The following SERPINE3 variants were observed in gnomAD, a reference collection of about 807,000 sequenced individuals.
The protein encoded by SERPINE3 is serpin E3.
A neutral mutation model predicts 41.7 loss-of-function variants in SERPINE3; 43 were observed. That is an observed-to-expected ratio of 1.03 (90% CI 0.81 to 1.33). The LOEUF is 1.33. Among genes scored for constraint, SERPINE3 ranks in the 40% most tolerant of loss-of-function variants. The probability of loss-of-function intolerance (pLI) is 0.00; values close to 1 mark genes in which losing one functional copy is unlikely to be tolerated. For missense variants in SERPINE3, 440 were observed against 491.7 expected, an observed-to-expected ratio of 0.89 and a Z score of 0.99; for synonymous variants, 200 against 192.2, an observed-to-expected ratio of 1.04 and a Z score of -0.34.
At chr13:51,354,513 C>A (rs138212282) in intron 6 of SERPINE3, among the ~76,000 whole-genome samples, 1 of 151,210 alleles carries the variant, frequency 6.6e-6, no homozygotes, top group African/African-American at 2.4e-5. Flanking sequence ...CCCAGCTACT[C>A]GGGAAGCTAA....
At chr13:51,353,621 G>A (rs181338543) in intron 6 of SERPINE3, among the ~76,000 whole-genome samples, 99 of 152,232 alleles carry the variant, frequency 6.5e-4, no homozygotes, top group Non-Finnish European at 5.3e-4. Flanking sequence ...AGAAAATTTC[G>A]TAAGAGATAG....
intron 6 of SERPINE3, among the ~76,000 whole-genome samples, chr13:51,354,602 A>T (rs1955452176): frequency 6.6e-6 from 1 of 152,066 alleles, no homozygotes; most frequent in Non-Finnish European, 1.5e-5. Flanking sequence ...AAAAAAAAAA[A>T]AAAGTGTTTA....
intron 6 of SERPINE3, among the ~76,000 whole-genome samples, chr13:51,353,777 T>C (rs1025935085): frequency 6.6e-6 from 1 of 152,220 alleles, no homozygotes; most frequent in Non-Finnish European, 1.5e-5. Flanking sequence ...TGTATAGCAA[T>C]GAAGACCTTT....
rs758250464 is a variant in SERPINE3 at position 51,341,219 on chromosome 13, C to A, written c.128C>A (p.Ala43Glu). Residue 43 changes from alanine (A) to glutamate (E), a missense_variant, in exon 3 of 10, where the codon GCG becomes GAG. Coordinates refer to ENST00000681248, the MANE Select transcript of SERPINE3 (RefSeq NM_001386375.1). ...FALHLYQSVA[A>E]CRNETNFVIS... ...CTTCACCTCTACCAGAGTGTGGCCG[C>A]GTGTAGAAATGAGACGAACTTTGTC... The A allele has an allele frequency of 6.2e-7, 1 of 1,614,004 alleles. No homozygotes were observed. The highest frequency in any genetic ancestry group is 1.1e-5 in the South Asian group (1 of 91,080).
chr13:51,351,528 A>T (rs979023134), intron 6 of SERPINE3, among the ~76,000 whole-genome samples: 1 of 152,038 alleles, frequency 6.6e-6, no homozygotes, highest in African/African-American at 2.4e-5. Context: ...TTTATTCTGG[A>T]TACTAGTACC....
At position 51,360,878 on chromosome 13, in the gene SERPINE3, C is replaced by T. The variant is rs115704651; in HGVS notation, c.1001-400C>T. Among the ~76,000 whole-genome samples, 205 of 152,068 alleles carry T rather than the reference C, an allele frequency of 1.3e-3. 1 individual carries two copies. Among genetic ancestry groups the T allele is most frequent in the African/African-American group, 4.8e-3 (200 of 41,492 alleles). Reference sequence around the variant, plus strand: ...CTTGGTGAAAATGATTCCCGGGCTACAGAATCTGCATTTTAACACATACCC... The same window carrying T: ...CTTGGTGAAAATGATTCCCGGGCTATAGAATCTGCATTTTAACACATACCC... On this transcript the variant is annotated intron_variant, in intron 7 of 9. Transcript: ENST00000681248.
At chr13:51,343,214 A>G (rs1955311456) in intron 3 of SERPINE3, among the ~76,000 whole-genome samples, 1 of 152,214 alleles carries the variant, frequency 6.6e-6, no homozygotes, top group African/African-American at 2.4e-5. Flanking sequence ...GGAGGAAAAG[A>G]TACCCAGCAT....
At chr13:51,363,256 C>T (rs937998768) in intron 9 of SERPINE3, 5 of 151,896 alleles carry the variant, frequency 3.3e-5, no homozygotes, top group Admixed American at 3.3e-4. Context: ...AGAACTGCCT[C>T]AGTAATCAGA....
At chr13:51,352,976 A>G (rs1175169624) in intron 6 of SERPINE3, among the ~76,000 whole-genome samples, 1 of 152,136 alleles carries the variant, frequency 6.6e-6, no homozygotes, top group East Asian at 1.9e-4. Flanking sequence ...TGAGATTTAT[A>G]TGGTATTGGA....
chr13:51,347,299 G>T, intron 5 of SERPINE3, 65 bp downstream of exon 5: 1 of 1,386,438 alleles, frequency 7.2e-7, no homozygotes. Context: ...GCAGGAGAGA[G>T]GAGGCCAGGT....
chr13:51,351,826 G>C (rs917420973), intron 6 of SERPINE3, among the ~76,000 whole-genome samples: 1 of 151,972 alleles, frequency 6.6e-6, no homozygotes, highest in African/African-American at 2.4e-5. Flanking sequence ...TATAGTATGA[G>C]GTAGGGATTC....
chr13:51,351,554 T>C (rs1955402983), intron 6 of SERPINE3, among the ~76,000 whole-genome samples: 1 of 152,156 alleles, frequency 6.6e-6, no homozygotes, highest in African/African-American at 2.4e-5. Flanking sequence ...AGATATATGA[T>C]TTGTAAATAC....
chr13:51,346,851 A>C (rs761723465), intron 4 of SERPINE3, among the ~76,000 whole-genome samples, 174 bp from the exon 5 acceptor site: 21 of 152,254 alleles, frequency 1.4e-4, no homozygotes, highest in Non-Finnish European at 2.9e-4. Context: ...ACAGGGAATT[A>C]AATATTCTTA....
At chr13:51,348,002 G>A (rs931667689) in intron 5 of SERPINE3, among the ~76,000 whole-genome samples, 1 of 152,032 alleles carries the variant, frequency 6.6e-6, no homozygotes, top group African/African-American at 2.4e-5. Context: ...CTCTGGTCCT[G>A]TGAGGGTATC....
At chr13:51,347,329 G>A in intron 5 of SERPINE3, 95 bp downstream of exon 5, 1 of 1,087,754 alleles carries the variant, frequency 9.2e-7, no homozygotes, top group Admixed American at 2.0e-5. Flanking sequence ...TAAGGGATCG[G>A]GATGTGTTTC....
intron 5 of SERPINE3, among the ~76,000 whole-genome samples, chr13:51,347,788 C>T (rs1225039353): frequency 6.6e-6 from 1 of 152,202 alleles, no homozygotes; most frequent in African/African-American, 2.4e-5. Flanking sequence ...AGGCTGTCTA[C>T]AGTATGCCCG....
At chr13:51,347,642 A>C (rs1276542902) in intron 5 of SERPINE3, among the ~76,000 whole-genome samples, 1 of 152,152 alleles carries the variant, frequency 6.6e-6, no homozygotes, top group Non-Finnish European at 1.5e-5. Context: ...TCCGCATCAG[A>C]AAATATTAAA....
chr13:51,355,379 G>C (rs74084806), intron 7 of SERPINE3, among the ~76,000 whole-genome samples: 3,184 of 152,128 alleles, frequency 0.021, 130 homozygotes, highest in African/African-American at 0.073. Flanking sequence ...TTCACCATGG[G>C]GTCAATGTCC....
At chr13:51,343,797 A>G (rs540595066) in intron 3 of SERPINE3, among the ~76,000 whole-genome samples, 1 of 152,328 alleles carries the variant, frequency 6.6e-6, no homozygotes, top group African/African-American at 2.4e-5. Flanking sequence ...TTGACAGCAC[A>G]ACATCCTGGC....
Sources: allele counts gnomAD v4.1 joint callset (sites outside exome capture counted in the v4.1 genomes callset), GRCh38; gene constraint gnomAD v4.1.1; transcripts MANE v1.5; gene names NCBI Gene and HGNC (gene_info 2026-07-23, HGNC 2026-07-21).